The following SYTL5 variants were observed in gnomAD, a reference collection of about 807,000 sequenced individuals.
SYTL5 encodes synaptotagmin like 5, also known as synaptotagmin-like protein 5.
SYTL5 carries 34 observed loss-of-function variants against 55.9 expected under a neutral mutation model. The observed-to-expected ratio is 0.61, with a 90% CI of 0.46 to 0.81. SYTL5 has a LOEUF of 0.81. SYTL5 is among the 30% of genes least tolerant of loss of function. SYTL5 has a pLI of 0.00. For synonymous variants in SYTL5, 221 were observed against 188.7 expected, an observed-to-expected ratio of 1.17 and a Z score of -1.40; for missense variants, 637 against 546.7, an observed-to-expected ratio of 1.17 and a Z score of -1.65.
At chrX:38,106,081 T>G (rs1183228648) in intron 10 of SYTL5, among the ~76,000 whole-genome samples, 1 of 111,872 alleles carries the variant, frequency 8.9e-6, no homozygotes, top group East Asian at 2.8e-4. Context: ...TTGTTAAAGC[T>G]GTAGTTATGG....
At chrX:37,937,536 C>T in the SYTL5 span, among the ~76,000 whole-genome samples, 102 of 111,699 alleles carry the variant, frequency 9.1e-4, no homozygotes, top group African/African-American at 3.3e-3. Context: ...TAGGTTGAAG[C>T]AGATTCTCCC....
chrX:38,018,916 GA>G (rs1403860241), intron 1 of SYTL5, among the ~76,000 whole-genome samples: 1 of 111,717 alleles, frequency 9.0e-6, no homozygotes, highest in African/African-American at 3.3e-5. Flanking sequence ...ACTTCTGCAA[GA>G]GCCTCCTCAT....
the SYTL5 span, among the ~76,000 whole-genome samples, chrX:37,951,690 G>A: frequency 9.0e-6 from 1 of 111,332 alleles, no homozygotes; most frequent in African/African-American, 3.3e-5. Flanking sequence ...TGTTGCTGTA[G>A]TAAAAATTGT....
chrX:37,960,360 C>T, the SYTL5 span, among the ~76,000 whole-genome samples: 1 of 105,336 alleles, frequency 9.5e-6, no homozygotes, highest in African/African-American at 3.4e-5. Context: ...CAAATCATCT[C>T]TTTCCTCTTT....
the SYTL5 span, among the ~76,000 whole-genome samples, chrX:37,930,742 AT>A: frequency 1.8e-5 from 2 of 112,263 alleles, no homozygotes; most frequent in Non-Finnish European, 3.8e-5. Flanking sequence ...CCCATGGAAC[AT>A]GAAGAACAAA....
the SYTL5 span, among the ~76,000 whole-genome samples, chrX:37,892,876 A>G: frequency 2.5e-5 from 2 of 81,575 alleles, no homozygotes; most frequent in African/African-American, 9.1e-5. Context: ...CTATATATGT[A>G]TATATAACAT....
chrX:38,122,017 T>G (rs777475297), intron 14 of SYTL5, 63 bp from the exon 15 acceptor site: 1 of 1,038,117 alleles, frequency 9.6e-7, no homozygotes, highest in African/African-American at 1.9e-5. Flanking sequence ...GAAATGGAAC[T>G]CATGATTTAT....
the SYTL5 span, among the ~76,000 whole-genome samples, chrX:37,961,583 C>A: frequency 9.0e-5 from 10 of 111,575 alleles, no homozygotes; most frequent in African/African-American, 3.3e-4. Flanking sequence ...CTTCATTGGA[C>A]CTTGAGCTAA....
chrX:37,908,516 G>A, the SYTL5 span, among the ~76,000 whole-genome samples: 9 of 111,685 alleles, frequency 8.1e-5, no homozygotes, highest in South Asian at 7.5e-4. Context: ...TGTATTTGGG[G>A]AACTGACCAG....
At chrX:38,057,769 G>A (rs1387809839) in intron 3 of SYTL5, among the ~76,000 whole-genome samples, 2 of 111,507 alleles carry the variant, frequency 1.8e-5, no homozygotes, top group Non-Finnish European at 3.8e-5. Context: ...GATGAACAGT[G>A]ATGAAATAAA....
At chrX:38,063,136 T>C (rs935052042) in intron 3 of SYTL5, among the ~76,000 whole-genome samples, 2 of 110,966 alleles carry the variant, frequency 1.8e-5, no homozygotes, top group East Asian at 2.8e-4. Flanking sequence ...TGTTTGTCCA[T>C]AGGTGGGACG....
chrX:38,117,973 G>A (rs1436587429), intron 13 of SYTL5, among the ~76,000 whole-genome samples: 1 of 111,621 alleles, frequency 9.0e-6, no homozygotes, highest in Non-Finnish European at 1.9e-5. Flanking sequence ...GACCCAAAGA[G>A]AGGTCACAAA....
chrX:38,016,320 T>C (rs958093876), intron 1 of SYTL5, among the ~76,000 whole-genome samples: 10 of 111,833 alleles, frequency 8.9e-5, no homozygotes, highest in Non-Finnish European at 1.9e-4. Flanking sequence ...ACCTCTAATA[T>C]AGACCATGGG....
intron 2 of SYTL5, among the ~76,000 whole-genome samples, chrX:38,037,910 T>A (rs1935159416): frequency 9.0e-6 from 1 of 111,129 alleles, no homozygotes; most frequent in African/African-American, 3.3e-5. Flanking sequence ...GAGATGATGG[T>A]ATAATTTGAA....
the SYTL5 span, chrX:37,906,188 G>A: frequency 5.4e-5 from 6 of 112,139 alleles, no homozygotes; most frequent in Admixed American, 5.6e-4. Flanking sequence ...CTGTTTGGGG[G>A]ACTCGCGGGG....
chrX:38,012,240 T>C (rs1235886815), intron 1 of SYTL5, among the ~76,000 whole-genome samples: 1 of 112,229 alleles, frequency 8.9e-6, no homozygotes, highest in East Asian at 2.8e-4. Context: ...GTTTTGGTGT[T>C]GTGCAGTCAA....
intron 9 of SYTL5, among the ~76,000 whole-genome samples, chrX:38,101,646 T>C (rs751519432): frequency 3.7e-5 from 4 of 109,438 alleles, no homozygotes; most frequent in Non-Finnish European, 7.6e-5. Flanking sequence ...TGTGTATATA[T>C]GTATGTGTGT....
In SYTL5 at chrX:38,110,336, A is replaced by G. The variant is rs1196145658; in HGVS notation, c.1450A>G (p.Thr484Ala). The G allele has an allele frequency of 3.3e-6, 4 of 1,203,580 alleles. No individual in the cohort carries two copies. The highest frequency in any genetic ancestry group is 3.4e-6 in the Non-Finnish European group (3 of 891,798). The part of the protein sequence containing the change: ...NETLKYTISH[T>A]QLETRTLQLS... The stretch of plus-strand genomic sequence containing the variant: ...TCATTCGCAGTACACTATCAGCCAT[A>G]CCCAGCTGGAAACAAGAACTCTGCA... The change falls in exon 13 of 17, where the codon ACC becomes GCC. Residue 484 changes from threonine (T) to alanine (A), a missense_variant. By Grantham distance (58) the Thr-to-Ala change is moderately conservative. Transcript: ENST00000297875.
intron 13 of SYTL5, 55 bp downstream of exon 13, chrX:38,110,537 A>G: frequency 1.0e-6 from 1 of 978,346 alleles, no homozygotes; most frequent in Non-Finnish European, 1.4e-6. Context: ...TATGAGCGAA[A>G]TTGATGTCAC....
Sources: allele counts gnomAD v4.1 joint callset (sites outside exome capture counted in the v4.1 genomes callset), GRCh38; gene constraint gnomAD v4.1.1; transcripts MANE v1.5; gene names NCBI Gene and HGNC (gene_info 2026-07-23, HGNC 2026-07-21).